MACROD2: variants seen among roughly 807,000 people sequenced by gnomAD.
MACROD2 encodes ADP-ribose glycohydrolase MACROD2.
MACROD2 carries 36 observed loss-of-function variants against 70.4 expected under a neutral mutation model. The observed-to-expected ratio is 0.51, with a 90% CI of 0.39 to 0.68. The LOEUF (loss-of-function observed/expected upper bound fraction) is 0.68, where lower values mean the gene tolerates loss of function less well. Ranked by LOEUF, MACROD2 falls within the 30% of genes least tolerant of loss-of-function variation. The pLI, the probability that MACROD2 is intolerant of heterozygous loss-of-function variation, is 0.00. For synonymous variants in MACROD2, 172 were observed against 178.8 expected (o/e 0.96, Z 0.30); for missense variants, 496 against 538.4 (o/e 0.92, Z 0.78).
intron 8 of MACROD2, among the ~76,000 whole-genome samples, chr20:15,761,768 C>CA (rs2051440096): frequency 6.6e-6 from 1 of 152,212 alleles, no homozygotes; most frequent in African/African-American, 2.4e-5. Flanking sequence ...CTAAGCCTTG[C>CA]AAATAACCTA....
chr20:15,195,262 C>A (rs1285083970), intron 5 of MACROD2, among the ~76,000 whole-genome samples: 1 of 152,094 alleles, frequency 6.6e-6, no homozygotes, highest in African/African-American at 2.4e-5. Context: ...AGAGCTTCTG[C>A]ACAGCAAAAG....
At chr20:14,794,402 C>T (rs1368986025) in intron 5 of MACROD2, among the ~76,000 whole-genome samples, 2 of 152,118 alleles carry the variant, frequency 1.3e-5, no homozygotes, top group Non-Finnish European at 2.9e-5. Context: ...ACAAGGGAAA[C>T]ACCTAATGTG....
intron 6 of MACROD2, among the ~76,000 whole-genome samples, chr20:15,261,263 A>G (rs568316542): frequency 6.6e-6 from 1 of 152,112 alleles, no homozygotes; most frequent in East Asian, 1.9e-4. Flanking sequence ...CACGTCAAAC[A>G]TGCCCAATAT....
chr20:14,673,784 G>C (rs1000577561), intron 4 of MACROD2, among the ~76,000 whole-genome samples: 8 of 151,926 alleles, frequency 5.3e-5, no homozygotes, highest in Non-Finnish European at 1.0e-4. Context: ...GCTGGGTGTG[G>C]TGGTGGGCGC....
intron 3 of MACROD2, among the ~76,000 whole-genome samples, chr20:14,283,546 G>A (rs2082322585): frequency 6.6e-6 from 1 of 152,182 alleles, no homozygotes; most frequent in South Asian, 2.1e-4. Context: ...AAGAAGATAT[G>A]CTAGAGATTA....
At chr20:15,975,421 A>G (rs1412689912) in intron 13 of MACROD2, among the ~76,000 whole-genome samples, 1 of 152,126 alleles carries the variant, frequency 6.6e-6, no homozygotes, top group East Asian at 1.9e-4. Context: ...GAGTATGGAG[A>G]TATTTATTTA....
At chr20:14,313,014 A>T (rs1015500700) in intron 3 of MACROD2, among the ~76,000 whole-genome samples, 1 of 152,328 alleles carries the variant, frequency 6.6e-6, no homozygotes, top group South Asian at 2.1e-4. Flanking sequence ...TTCATTGTCT[A>T]CATTTAAAAA....
rs375398480 is a variant in MACROD2 at position 15,499,734 on chromosome 20, T to C, written c.572-40T>C. 7 of 1,600,934 alleles carry C rather than the reference T, an allele frequency of 4.4e-6. No individual in the cohort carries two copies. In the African/African-American group the frequency reaches 9.4e-5, roughly 21 times the overall value. On this transcript the variant is annotated intron_variant, in intron 7 of 17. Coordinates refer to ENST00000684519, the MANE Select transcript of MACROD2 (RefSeq NM_001351661.2). ...GTGATTAGCCTCCCTTTTGCCTTCA[T>C]CTTTCGTTGTTCATTTGTTTTTTCC...
intron 8 of MACROD2, among the ~76,000 whole-genome samples, chr20:15,770,044 G>A (rs925269912): frequency 4.7e-5 from 7 of 149,298 alleles, no homozygotes; most frequent in Non-Finnish European, 8.9e-5. Flanking sequence ...AGGAATGCTA[G>A]GTTTTCTTGC....
At chr20:14,935,958 TC>T (rs2074337120) in intron 5 of MACROD2, among the ~76,000 whole-genome samples, 2 of 152,202 alleles carry the variant, frequency 1.3e-5, no homozygotes, top group South Asian at 4.1e-4. Flanking sequence ...TTCCTTCTTT[TC>T]TTTTTTCCAT....
chr20:14,727,989 C>T (rs149788381), intron 5 of MACROD2, among the ~76,000 whole-genome samples: 2 of 152,252 alleles, frequency 1.3e-5, no homozygotes, highest in Non-Finnish European at 2.9e-5. Context: ...GCTTAACTTA[C>T]TGGCCCCAGA....
At chr20:15,008,010 G>T (rs757579543) in intron 5 of MACROD2, among the ~76,000 whole-genome samples, 5 of 152,212 alleles carry the variant, frequency 3.3e-5, no homozygotes, top group Non-Finnish European at 7.3e-5. Context: ...AGTAGAAGAG[G>T]TGTGGGATTG....
chr20:15,611,816 G>C (rs2048974141), intron 8 of MACROD2, among the ~76,000 whole-genome samples: 1 of 149,450 alleles, frequency 6.7e-6, no homozygotes, highest in Middle Eastern at 3.4e-3. Context: ...GCCATTACTA[G>C]ATGATGTCTA....
At chr20:15,285,559 G>A (rs1238177825) in intron 6 of MACROD2, among the ~76,000 whole-genome samples, 1 of 152,036 alleles carries the variant, frequency 6.6e-6, no homozygotes, top group Non-Finnish European at 1.5e-5. Context: ...CAATCTCATT[G>A]GTGAATTTTG....
chr20:14,227,476 C>T (rs982099934), intron 3 of MACROD2, among the ~76,000 whole-genome samples: 19 of 152,064 alleles, frequency 1.2e-4, no homozygotes, highest in African/African-American at 4.6e-4. Flanking sequence ...CGAACAACTC[C>T]AGATGCGCCG....
chr20:14,702,573 ATG>A (rs1158655440), intron 5 of MACROD2, among the ~76,000 whole-genome samples: 2 of 54,888 alleles, frequency 3.6e-5, no homozygotes, highest in African/African-American at 1.4e-4. Context: ...ATACACATAT[ATG>A]TGTATATATA....
chr20:15,441,028 G>T (rs2046488505), intron 7 of MACROD2, among the ~76,000 whole-genome samples: 1 of 152,142 alleles, frequency 6.6e-6, no homozygotes, highest in South Asian at 2.1e-4. Flanking sequence ...CAGTGCTGGG[G>T]CCAAGCCTAT....
At chr20:14,448,042 G>C (rs1280144283) in intron 3 of MACROD2, among the ~76,000 whole-genome samples, 1 of 150,900 alleles carries the variant, frequency 6.6e-6, no homozygotes, top group Non-Finnish European at 1.5e-5. Context: ...GAGAGAGAGA[G>C]ATGTAAACAT....
intron 3 of MACROD2, among the ~76,000 whole-genome samples, chr20:14,200,176 A>G (rs1601340222): frequency 6.6e-6 from 1 of 152,322 alleles, no homozygotes; most frequent in Admixed American, 6.5e-5. Flanking sequence ...GTACATATAT[A>G]CCATGGAATA....
Sources: gnomAD v4.1 joint callset for allele counts (sites outside exome capture counted in the v4.1 genomes callset) on GRCh38, gnomAD v4.1.1 for gene constraint, MANE v1.5 for transcripts, NCBI Gene and HGNC (gene_info 2026-07-23, HGNC 2026-07-21) for gene names.